The following DLGAP1 variants were observed in gnomAD, a reference collection of about 807,000 sequenced individuals.
The protein encoded by DLGAP1 is DLG associated protein 1, also known as disks large-associated protein 1.
In DLGAP1, 11 loss-of-function variants were observed where a neutral mutation model predicts 90.8. The observed-to-expected ratio is 0.12, with a 90% CI of 0.08 to 0.20. DLGAP1 has a LOEUF of 0.20. Ranked by LOEUF, DLGAP1 falls within the 10% of genes least tolerant of loss-of-function variation. The pLI is 1.00. For missense variants in DLGAP1, 1,050 were observed against 1,333.8 expected, an observed-to-expected ratio of 0.79 and a Z score of 3.31; for synonymous variants, 558 against 540.7, an observed-to-expected ratio of 1.03 and a Z score of -0.44.
At chr18:3,997,888 A>G (rs1241834058) in intron 3 of DLGAP1, among the ~76,000 whole-genome samples, 1 of 152,070 alleles carries the variant, frequency 6.6e-6, no homozygotes, top group Admixed American at 6.6e-5. Context: ...TGTGTATTTT[A>G]CGTGTACAGA....
intron 1 of DLGAP1, among the ~76,000 whole-genome samples, chr18:4,403,766 T>C (rs1598363928): frequency 6.7e-6 from 1 of 149,266 alleles, no homozygotes; most frequent in Admixed American, 6.8e-5. Context: ...TTCTTTTTAT[T>C]ATGTTTTTTC....
At chr18:3,943,490 T>C (rs1466863603) in intron 3 of DLGAP1, among the ~76,000 whole-genome samples, 1 of 125,948 alleles carries the variant, frequency 7.9e-6, no homozygotes, top group African/African-American at 3.0e-5. Flanking sequence ...GAAAAGAACA[T>C]CACTGCTAGG....
chr18:3,870,883 C>T (rs2070711198), intron 4 of DLGAP1, among the ~76,000 whole-genome samples: 2 of 152,196 alleles, frequency 1.3e-5, no homozygotes, highest in South Asian at 4.1e-4. Context: ...AGGGAAAACT[C>T]ATCCATTAAA....
At chr18:4,051,905 C>A (rs141425267) in intron 2 of DLGAP1, among the ~76,000 whole-genome samples, 7 of 152,178 alleles carry the variant, frequency 4.6e-5, no homozygotes, top group Non-Finnish European at 8.8e-5. Context: ...AGGCACCATG[C>A]GAGTCTGAAA....
chr18:3,802,310 T>TA (rs1320459512), intron 5 of DLGAP1, among the ~76,000 whole-genome samples: 1 of 152,238 alleles, frequency 6.6e-6, no homozygotes. Context: ...AAACAACACT[T>TA]ACATCACTTC....
chr18:4,370,269 G>A (rs191196931), intron 1 of DLGAP1, among the ~76,000 whole-genome samples: 8 of 152,276 alleles, frequency 5.3e-5, no homozygotes. Context: ...CAGGGCAAGG[G>A]AAAGAAAAGC....
At chr18:4,235,285 T>C (rs2078384371) in intron 1 of DLGAP1, among the ~76,000 whole-genome samples, 1 of 152,164 alleles carries the variant, frequency 6.6e-6, no homozygotes, top group Admixed American at 6.5e-5. Flanking sequence ...TGTTTGATTT[T>C]AAAAATTCAA....
chr18:3,995,036 A>T (rs1401745734), intron 3 of DLGAP1, among the ~76,000 whole-genome samples: 2 of 152,210 alleles, frequency 1.3e-5, no homozygotes, highest in African/African-American at 4.8e-5. Context: ...TACTTTTTGC[A>T]AAATGTAGCA....
At chr18:3,682,133 A>AT (rs2060539321) in intron 7 of DLGAP1, among the ~76,000 whole-genome samples, 7 of 113,820 alleles carry the variant, frequency 6.2e-5, no homozygotes, top group Non-Finnish European at 8.5e-5. Context: ...AAAAAAAATA[A>AT]AAAAAAATAA....
At chr18:3,897,629 T>C (rs1195450749) in intron 3 of DLGAP1, among the ~76,000 whole-genome samples, 1 of 152,202 alleles carries the variant, frequency 6.6e-6, no homozygotes, top group Non-Finnish European at 1.5e-5. Context: ...CAATCTTTTA[T>C]AAACTCTTTG....
At chr18:3,942,555 C>G (rs1051837620) in intron 3 of DLGAP1, among the ~76,000 whole-genome samples, 6 of 152,158 alleles carry the variant, frequency 3.9e-5, no homozygotes, top group Non-Finnish European at 7.3e-5. Context: ...TTGTGCCAAC[C>G]AAATTTGTCT....
At chr18:4,080,914 G>A (rs2075597880) in intron 2 of DLGAP1, among the ~76,000 whole-genome samples, 1 of 147,806 alleles carries the variant, frequency 6.8e-6, no homozygotes, top group African/African-American at 2.5e-5. Context: ...TTGAGATGAA[G>A]TTTTGCTCTT....
chr18:3,961,066 C>G (rs1398570336), intron 3 of DLGAP1, among the ~76,000 whole-genome samples: 1 of 152,158 alleles, frequency 6.6e-6, no homozygotes, highest in Non-Finnish European at 1.5e-5. Flanking sequence ...GGGCATCACC[C>G]AGAACTACGA....
intron 9 of DLGAP1, among the ~76,000 whole-genome samples, chr18:3,559,649 G>C (rs991458729): frequency 2.9e-5 from 4 of 139,360 alleles, no homozygotes; most frequent in African/African-American, 1.1e-4. Context: ...TTTTTGCGGA[G>C]TCTCGTTCTG....
chr18:4,146,745 C>T (rs1382004250), intron 2 of DLGAP1, among the ~76,000 whole-genome samples: 1 of 151,834 alleles, frequency 6.6e-6, no homozygotes, highest in African/African-American at 2.4e-5. Flanking sequence ...AATTTTCAAG[C>T]ATTCATATTA....
chr18:4,253,904 T>C (rs1357921541), intron 1 of DLGAP1, among the ~76,000 whole-genome samples: 1 of 152,102 alleles, frequency 6.6e-6, no homozygotes, highest in Middle Eastern at 3.2e-3. Context: ...ACTTTGTATG[T>C]TGTTTCTACT....
At chr18:3,774,649 T>G (rs1308561818) in intron 5 of DLGAP1, 1 of 152,222 alleles carries the variant, frequency 6.6e-6, no homozygotes, top group East Asian at 1.9e-4. Flanking sequence ...TGGCCTAACT[T>G]CTTAAAAATA....
Position 3,953,445 on chromosome 18 carries a change from T to A in DLGAP1, c.-73+51671A>T, listed in dbSNP as rs73376546. On this transcript the variant is annotated intron_variant, in intron 3 of 12. Transcript: ENST00000315677. ...TGAGAACAAGTGGTATTTAACTTTG[T>A]GTTTCTGAGATATTTCACTTAGGAT... Among the ~76,000 whole-genome samples, 237 of 152,202 alleles carry A rather than the reference T, an allele frequency of 1.6e-3. 2 individuals carry two copies. Among genetic ancestry groups the A allele is most frequent in the African/African-American group, 5.3e-3 (220 of 41,524 alleles).
rs1210145499 is a variant in DLGAP1 at position 3,729,665 on chromosome 18, T to C, written c.1351-290A>G. ...CTCAAGTGATCCACCCGCCTGGGCC[T>C]CCCAAAGTGCTGGGATTACAGGCAT... On this transcript the variant is annotated intron_variant, in intron 6 of 12. Coordinates refer to ENST00000315677, the MANE Select transcript of DLGAP1 (RefSeq NM_004746.4). The surrounding 1 kb of genome is among the most constrained non-coding windows in gnomAD (Gnocchi z 6.2). Among the ~76,000 whole-genome samples, 1 of 152,146 alleles carries C rather than the reference T, an allele frequency of 6.6e-6. No individual in the cohort carries two copies. Among genetic ancestry groups the C allele is most frequent in the Non-Finnish European group, 1.5e-5 (1 of 68,032 alleles).
Sources: allele counts gnomAD v4.1 joint callset (sites outside exome capture counted in the v4.1 genomes callset), GRCh38; gene constraint gnomAD v4.1.1; non-coding constraint Gnocchi (gnomAD v3.1); transcripts MANE v1.5; gene names NCBI Gene and HGNC (gene_info 2026-07-23, HGNC 2026-07-21).